VPS13A: variants seen among roughly 807,000 people sequenced by gnomAD.
VPS13A encodes the protein vacuolar protein sorting 13 homolog A.
In VPS13A, 264 loss-of-function variants were observed where a neutral mutation model predicts 390.9. The ratio of observed to expected loss-of-function variants is 0.68; its 90% CI spans 0.61 to 0.75. The LOEUF is 0.75. Ranked by LOEUF, VPS13A falls within the 30% of genes least tolerant of loss-of-function variation. VPS13A has a pLI of 0.00. For synonymous variants in VPS13A, 1,231 were observed against 1,227.1 expected, an observed-to-expected ratio of 1.00 and a Z score of -0.07; for missense variants, 3,409 against 3,733.9, an observed-to-expected ratio of 0.91 and a Z score of 2.27.
At chr9:77,243,242 G>C (rs536399225) in intron 19 of VPS13A, among the ~76,000 whole-genome samples, 1 of 152,112 alleles carries the variant, frequency 6.6e-6, no homozygotes, top group East Asian at 1.9e-4. Context: ...TCAGATTTCA[G>C]ATTTCTTCGG....
chr9:77,391,898 A>G (rs1336805009), intron 68 of VPS13A, among the ~76,000 whole-genome samples: 1 of 152,232 alleles, frequency 6.6e-6, no homozygotes, highest in African/African-American at 2.4e-5. Flanking sequence ...CTACAAACAA[A>G]TTCAGTTCTG....
rs1827944313 is a variant in VPS13A at position 77,295,625 on chromosome 9, A to G, written c.3591A>G (p.Val1197=). 2 of 1,614,040 alleles carry G rather than the reference A, an allele frequency of 1.2e-6. No individual in the cohort carries two copies. The highest frequency in any genetic ancestry group is 1.7e-6 in the Non-Finnish European group (2 of 1,179,950). ...CAGCTGGAATGGCTGCTACTGGTGT[A>G]AAAGAACTCGCACAAAGGAGTTCCA... ...VQAAGMAATG[V]KELAQRSSRM... is the part of the protein sequence containing the mutation. The change falls in exon 33 of 72, where the codon GTA becomes GTG. Residue 1197 remains valine (V), a synonymous_variant. Coordinates refer to ENST00000360280, the MANE Select transcript of VPS13A (RefSeq NM_033305.3).
chr9:77,197,233 TCTG>T (rs1365932696), intron 1 of VPS13A, among the ~76,000 whole-genome samples: 4 of 152,204 alleles, frequency 2.6e-5, no homozygotes, highest in African/African-American at 9.6e-5. Flanking sequence ...AAATGTGTAT[TCTG>T]CTGTTGGTGG....
intron 3 of VPS13A, among the ~76,000 whole-genome samples, chr9:77,203,204 G>A (rs938835779): frequency 2.4e-4 from 36 of 152,022 alleles, no homozygotes; most frequent in African/African-American, 8.5e-4. Flanking sequence ...GAAGGTTTTT[G>A]GAATTACATC....
chr9:77,200,550 A>G (rs1825270370), intron 2 of VPS13A, among the ~76,000 whole-genome samples: 1 of 152,090 alleles, frequency 6.6e-6, no homozygotes, highest in Non-Finnish European at 1.5e-5. Flanking sequence ...TCAAATTTTT[A>G]ACTTGTTTTC....
At chr9:77,200,286 A>C (rs779726181) in intron 2 of VPS13A, among the ~76,000 whole-genome samples, 6 of 152,126 alleles carry the variant, frequency 3.9e-5, no homozygotes, top group Non-Finnish European at 8.8e-5. Context: ...CAGTAGTTCG[A>C]GACTAGCCTG....
rs1162760091 is a variant in VPS13A at position 77,420,373 on chromosome 9, T to C, written c.*4367T>C. 1.3e-5 allele frequency: 2 copies of C among 152,322 alleles called. No individual in the cohort carries two copies. Among genetic ancestry groups the C allele is most frequent in the East Asian group, 3.9e-4 (2 of 5,192 alleles). 9.4% of individuals were successfully genotyped at this position (152,322 alleles called of 1,614,324 possible). ...CTCATGTTTCTTTTATTGAAACCTT[T>C]TTCTACTTTATATTTCCTCTTTTGT... On this transcript the variant is annotated 3_prime_UTR_variant, in exon 72 of 72. Coordinates refer to ENST00000360280, the MANE Select transcript of VPS13A (RefSeq NM_033305.3).
At chr9:77,358,202 C>T (rs1353251216) in intron 56 of VPS13A, among the ~76,000 whole-genome samples, 155 bp from the exon 57 acceptor site, 1 of 151,766 alleles carries the variant, frequency 6.6e-6, no homozygotes, top group Non-Finnish European at 1.5e-5. Flanking sequence ...ATGATCCACC[C>T]GCCTCGGCCT....
chr9:77,352,059 G>C (rs911261685), intron 53 of VPS13A, among the ~76,000 whole-genome samples: 3 of 152,114 alleles, frequency 2.0e-5, no homozygotes, highest in Admixed American at 1.3e-4. Flanking sequence ...GTGTTATAAA[G>C]AATAAAGTTG....
chr9:77,214,756 G>A (rs777391352), intron 10 of VPS13A, among the ~76,000 whole-genome samples: 11 of 152,100 alleles, frequency 7.2e-5, no homozygotes, highest in Non-Finnish European at 1.2e-4. Flanking sequence ...AGATCACGCT[G>A]CATTTAAAAT....
At chr9:77,292,198 C>T (rs57483710) in intron 31 of VPS13A, among the ~76,000 whole-genome samples, 28,191 of 152,154 alleles carry the variant, frequency 0.19, 2,796 homozygotes, top group Middle Eastern at 0.26. Context: ...TCCCGTCTTT[C>T]TCAAGAGCTC....
intron 7 of VPS13A, 66 bp from the exon 8 acceptor site, chr9:77,212,903 G>T (rs1826049491): frequency 6.5e-7 from 1 of 1,527,394 alleles, no homozygotes; most frequent in Admixed American, 1.7e-5. Context: ...GGTAGATAAT[G>T]ATTTATTACT....
intron 5 of VPS13A, 121 bp downstream of exon 5, chr9:77,206,200 C>A (rs1322836815): frequency 1.3e-6 from 1 of 758,714 alleles, no homozygotes; most frequent in Non-Finnish European, 2.2e-6. Context: ...ATGATAGAAT[C>A]TCATTGCATG....
intron 45 of VPS13A, among the ~76,000 whole-genome samples, chr9:77,326,413 C>T (rs184909046): frequency 4.6e-5 from 7 of 152,238 alleles, no homozygotes; most frequent in Non-Finnish European, 5.9e-5. Flanking sequence ...ACTTGCCCCA[C>T]AGCTCAGTAA....
intron 17 of VPS13A, among the ~76,000 whole-genome samples, chr9:77,229,070 CTTTAT>C (rs914286243): frequency 1.3e-5 from 2 of 151,976 alleles, no homozygotes; most frequent in African/African-American, 4.8e-5. Flanking sequence ...AATTCTAGAA[CTTTAT>C]TTTATTTTAT....
chr9:77,235,331 G>A (rs1824082033), intron 17 of VPS13A, among the ~76,000 whole-genome samples: 2 of 152,090 alleles, frequency 1.3e-5, no homozygotes, highest in Non-Finnish European at 2.9e-5. Context: ...TTTCTTGGTT[G>A]ACATTTTTTT....
At chr9:77,382,699 G>C in intron 68 of VPS13A, 1 of 989,338 alleles carries the variant, frequency 1.0e-6, no homozygotes, top group Non-Finnish European at 1.2e-6. Context: ...CTTTGCCTTT[G>C]AAAATGCTTA....
intron 31 of VPS13A, among the ~76,000 whole-genome samples, chr9:77,284,896 G>T (rs954277887): frequency 2.6e-5 from 4 of 151,726 alleles, no homozygotes; most frequent in African/African-American, 7.3e-5. Flanking sequence ...TAGAGACAGG[G>T]TTTCACTGTG....
intron 34 of VPS13A, among the ~76,000 whole-genome samples, chr9:77,304,450 A>G (rs1481022720): frequency 2.6e-5 from 4 of 152,198 alleles, no homozygotes; most frequent in Non-Finnish European, 1.5e-5. Context: ...TCTTTTCCCT[A>G]CAATGAAGGA....
Sources: gnomAD v4.1 joint callset for allele counts (sites outside exome capture counted in the v4.1 genomes callset) on GRCh38, gnomAD v4.1.1 for gene constraint, MANE v1.5 for transcripts, NCBI Gene and HGNC (gene_info 2026-07-23, HGNC 2026-07-21) for gene names.